Variants in CCDC138 observed in about 807,000 individuals in gnomAD.
CCDC138 encodes the protein coiled-coil domain containing 138, also known as coiled-coil domain-containing protein 138.
A neutral mutation model predicts 82.3 loss-of-function variants in CCDC138; 66 were observed. The observed-to-expected ratio is 0.80, with a 90% CI of 0.66 to 0.98. CCDC138 has a LOEUF of 0.98. Ranked by LOEUF, CCDC138 falls within the 50% of genes least tolerant of loss-of-function variation. CCDC138 has a pLI of 0.00. For synonymous variants in CCDC138, 297 were observed against 265.4 expected (o/e 1.12, Z -1.16); for missense variants, 816 against 758.9 (o/e 1.08, Z -0.88).
At chr2:108,789,034 G>A (rs1573894868) in intron 3 of CCDC138, 68 bp downstream of exon 3, 1 of 1,554,152 alleles carries the variant, frequency 6.4e-7, no homozygotes, top group East Asian at 2.3e-5. Context: ...AAGAGAAAAG[G>A]GCAGGTTATA....
chr2:108,872,658 A>G (rs1451558594), intron 13 of CCDC138, among the ~76,000 whole-genome samples: 4 of 152,128 alleles, frequency 2.6e-5, no homozygotes, highest in African/African-American at 2.4e-5. Context: ...GCAGAGGACA[A>G]GAGGGCAAGA....
intron 9 of CCDC138, among the ~76,000 whole-genome samples, chr2:108,814,147 G>A (rs536044668): frequency 6.6e-6 from 1 of 152,288 alleles, no homozygotes; most frequent in Non-Finnish European, 1.5e-5. Flanking sequence ...AAAGGTAGAT[G>A]TATGTTTTTA....
chr2:108,832,526 T>C (rs1687880601), intron 10 of CCDC138, among the ~76,000 whole-genome samples: 1 of 152,098 alleles, frequency 6.6e-6, no homozygotes, highest in Non-Finnish European at 1.5e-5. Flanking sequence ...TTTGTATTTT[T>C]AGTAGAGACG....
intron 5 of CCDC138, among the ~76,000 whole-genome samples, chr2:108,796,901 C>G (rs1446528954): frequency 6.6e-6 from 1 of 152,040 alleles, no homozygotes; most frequent in Non-Finnish European, 1.5e-5. Flanking sequence ...TCAGTATTTA[C>G]TAGTACAATA....
intron 10 of CCDC138, among the ~76,000 whole-genome samples, chr2:108,821,086 G>A (rs191458294): frequency 1.2e-3 from 182 of 152,266 alleles, no homozygotes; most frequent in African/African-American, 4.3e-3. Flanking sequence ...GGCCGGGTGC[G>A]GTGGCTCACG....
intron 12 of CCDC138, among the ~76,000 whole-genome samples, chr2:108,855,661 G>A (rs760329916): frequency 1.3e-5 from 2 of 152,136 alleles, no homozygotes; most frequent in Non-Finnish European, 2.9e-5. Context: ...AAAATGGAGT[G>A]TACTATAATT....
rs1696022007 is a variant in CCDC138, at chr2:108,876,345, T to A, written c.*92T>A. Reference sequence around the variant, plus strand: ...ACTACAATTCTACCAAGTAAAGTTATCAGTAGCATCATTTATCATGAAAAA... The same window carrying A: ...ACTACAATTCTACCAAGTAAAGTTAACAGTAGCATCATTTATCATGAAAAA... On this transcript the variant is annotated 3_prime_UTR_variant, in exon 15 of 15. Coordinates refer to ENST00000295124, the MANE Select transcript of CCDC138 (RefSeq NM_144978.3). The A allele has an allele frequency of 3.0e-6, 2 of 662,138 alleles. No individual in the cohort carries two copies. Among genetic ancestry groups the A allele is most frequent in the Non-Finnish European group, 5.0e-6 (2 of 400,908 alleles). The allele number at this position is 662,138 out of a possible 1,614,324, so 41.0% of individuals were successfully genotyped here.
At chr2:108,879,562 T>C (rs2105342997), downstream of CCDC138, among the ~76,000 whole-genome samples, 1 of 152,314 alleles carries the variant, frequency 6.6e-6, no homozygotes, top group Non-Finnish European at 1.5e-5. Context: ...TAGGGTAACA[T>C]ACATTCCAGA....
chr2:108,815,353 C>A (rs767842722), intron 9 of CCDC138, among the ~76,000 whole-genome samples: 16 of 149,522 alleles, frequency 1.1e-4, no homozygotes, highest in Non-Finnish European at 2.2e-4. Flanking sequence ...GAAAAGTTTT[C>A]TTTTAGTAAT....
At chr2:108,823,276 C>A (rs995698434) in intron 10 of CCDC138, among the ~76,000 whole-genome samples, 5 of 152,208 alleles carry the variant, frequency 3.3e-5, no homozygotes, top group African/African-American at 1.2e-4. Flanking sequence ...GGTAACACTT[C>A]CACACTTACT....
intron 10 of CCDC138, among the ~76,000 whole-genome samples, chr2:108,838,375 T>C (rs1451066870): frequency 6.6e-6 from 1 of 152,224 alleles, no homozygotes; most frequent in Non-Finnish European, 1.5e-5. Flanking sequence ...TAATCATTAG[T>C]CCGGAGAATC....
At chr2:108,796,973 T>C (rs969823126) in intron 5 of CCDC138, among the ~76,000 whole-genome samples, 1 of 152,244 alleles carries the variant, frequency 6.6e-6, no homozygotes, top group Non-Finnish European at 1.5e-5. Context: ...AGAATTGTAA[T>C]GTTCTCAACA....
chr2:108,794,627 G>A lies in CCDC138; in HGVS notation c.482G>A (p.Cys161Tyr), dbSNP rs1235282180. Residue 161 changes from cysteine to tyrosine, a missense_variant, in exon 5 of 15, where the codon TGT (cysteine) becomes TAT (tyrosine). Coordinates refer to ENST00000295124, the MANE Select transcript of CCDC138 (RefSeq NM_144978.3). Reference protein sequence around the residue: ...AGDSPLKPVSCPKSKASDKRS... With the variant: ...AGDSPLKPVSYPKSKASDKRS... ...GACTCTCCTTTGAAACCTGTCAGCTGTCCAAAATCTAAAGCATCAGACAAG... is the reference window on the plus strand; with the variant it reads ...GACTCTCCTTTGAAACCTGTCAGCTATCCAAAATCTAAAGCATCAGACAAG... 2 of 1,613,968 alleles carry A rather than the reference G, an allele frequency of 1.2e-6. No homozygotes were observed. The highest frequency in any genetic ancestry group is 8.5e-7 in the Non-Finnish European group (1 of 1,180,008).
At chr2:108,792,376 C>G (rs949237662) in intron 4 of CCDC138, among the ~76,000 whole-genome samples, 15 of 152,174 alleles carry the variant, frequency 9.9e-5, no homozygotes, top group African/African-American at 3.6e-4. Flanking sequence ...ATAATTCTGT[C>G]GGGACTTGAG....
chr2:108,860,860 A>G (rs1192739081), intron 13 of CCDC138, among the ~76,000 whole-genome samples: 1 of 143,786 alleles, frequency 7.0e-6, no homozygotes, highest in African/African-American at 2.6e-5. Context: ...ATTTTGGAAT[A>G]GTTTCAATAG....
chr2:108,829,548 C>G (rs1426521367), intron 10 of CCDC138, among the ~76,000 whole-genome samples: 1 of 152,184 alleles, frequency 6.6e-6, no homozygotes, highest in African/African-American at 2.4e-5. Context: ...GAGCTTGAGA[C>G]CAGCCTGGCC....
At chr2:108,787,358 C>T (rs1253720106) in intron 1 of CCDC138, among the ~76,000 whole-genome samples, 1 of 152,202 alleles carries the variant, frequency 6.6e-6, no homozygotes, top group Non-Finnish European at 1.5e-5. Flanking sequence ...ACCATTCGTT[C>T]TCTCCCCTTC....
At chr2:108,853,854 A>G (rs1691960304) in intron 12 of CCDC138, among the ~76,000 whole-genome samples, 1 of 127,876 alleles carries the variant, frequency 7.8e-6, no homozygotes, top group African/African-American at 3.0e-5. Flanking sequence ...TATATATACT[A>G]TATATATAAT....
chr2:108,879,299 A>T (rs944399180), downstream of CCDC138, among the ~76,000 whole-genome samples: 2 of 152,214 alleles, frequency 1.3e-5, no homozygotes, highest in African/African-American at 4.8e-5. Context: ...TTATCAAAGA[A>T]TTCTTTTTTA....
Sources: allele counts gnomAD v4.1 joint callset (sites outside exome capture counted in the v4.1 genomes callset), GRCh38; gene constraint gnomAD v4.1.1; transcripts MANE v1.5; gene names NCBI Gene and HGNC (gene_info 2026-07-23, HGNC 2026-07-21).